Variants in MAP3K14 observed in about 807,000 individuals in gnomAD.
MAP3K14 encodes mitogen-activated protein kinase kinase kinase 14, also known as NF-kappa-beta-inducing kinase.
A neutral mutation model predicts 99.2 loss-of-function variants in MAP3K14; 16 were observed. The observed-to-expected ratio is 0.16, with a 90% CI of 0.11 to 0.24. The LOEUF is 0.24. MAP3K14 is among the 10% of genes least tolerant of loss of function. MAP3K14 has a pLI of 1.00. For missense variants in MAP3K14, 784 were observed against 1,208.7 expected (o/e 0.65, Z 5.21); for synonymous variants, 462 against 492.4 (o/e 0.94, Z 0.82).
At position 45,286,297 on chromosome 17, in the gene MAP3K14, AC is replaced by A; in HGVS notation, c.1152+133del. 1 of 1,124,048 alleles carries A rather than the reference AC, an allele frequency of 8.9e-7. No homozygotes were observed. Among genetic ancestry groups the A allele is most frequent in the Non-Finnish European group, 1.2e-6 (1 of 805,766 alleles). 69.6% of individuals were successfully genotyped at this position (1,124,048 alleles called of 1,614,324 possible). On this transcript the variant is annotated intron_variant, in intron 5 of 15. Transcript: ENST00000344686. This position sits in a 1 kb window ranked among gnomAD's most constrained non-coding sequence, Gnocchi z 4.1. ...TGAGATTGGCGGAATAAGAGATGAT[AC>A]TTTTCATCCACAATGAGCACTGTCC...
intron 2 of MAP3K14, 67 bp downstream of exon 2, chr17:45,290,423 T>C: frequency 6.3e-7 from 1 of 1,591,238 alleles, no homozygotes; most frequent in Non-Finnish European, 8.6e-7. Context: ...AGGGAACCCC[T>C]GGGCCCAGCT....
In MAP3K14 at chr17:45,287,276, G is replaced by C. The variant is rs375425305; in HGVS notation, c.415C>G (p.Arg139Gly). The C allele has an allele frequency of 6.2e-7, 1 of 1,613,998 alleles. No individual in the cohort carries two copies. Among genetic ancestry groups the C allele is most frequent in the Non-Finnish European group, 8.5e-7 (1 of 1,179,892 alleles). The change falls in exon 4 of 16, where the codon CGC becomes GGC. Residue 139 changes from arginine (R) to glycine (G), a missense_variant. By Grantham distance (125) the Arg-to-Gly change is moderately radical. Around this residue, in one of 5 missense-constraint regions of MAP3K14, gnomAD observed 188 missense variants for 313.0 expected, o/e 0.60. Coordinates refer to ENST00000344686, the MANE Select transcript of MAP3K14 (RefSeq NM_003954.5). ...TTCCGTTTCTTCCGGGCTTTGCTGC[G>C]ACGCTTTCCCTTCCAACACACACGG... ...MARVCWKGKR[R>G]SKARKKRKKK...
chr17:45,266,795 TAAGGGTTGCCTCCATGGGGGACG>T (rs1425535430), intron 13 of MAP3K14, 114 bp from the exon 14 acceptor site: 2 of 1,216,350 alleles, frequency 1.6e-6, no homozygotes, highest in Non-Finnish European at 2.3e-6. Context: ...TGGAGGAGGG[TAAGGGTTGCCTCCATGGGGGACG>T]AAGGCCTGCC....
intron 3 of MAP3K14, among the ~76,000 whole-genome samples, chr17:45,288,778 T>C (rs1176477734): frequency 6.6e-6 from 1 of 152,124 alleles, no homozygotes; most frequent in Admixed American, 6.5e-5. Flanking sequence ...CAAGTCTATC[T>C]GTCCCCTCCT....
intron 1 of MAP3K14, among the ~76,000 whole-genome samples, chr17:45,293,192 A>G (rs1055831093): frequency 6.6e-6 from 1 of 152,198 alleles, no homozygotes; most frequent in Non-Finnish European, 1.5e-5. Context: ...GGAGGAAGAG[A>G]GAGTCCTGCC....
At chr17:45,275,103 C>A (rs547655850) in intron 6 of MAP3K14, among the ~76,000 whole-genome samples, 22 of 150,408 alleles carry the variant, frequency 1.5e-4, no homozygotes, top group Admixed American at 8.6e-4. Flanking sequence ...TGCGCCAGTG[C>A]ACTCCAGCCT....
chr17:45,270,952 C>T (rs1044508517), intron 10 of MAP3K14, 106 bp downstream of exon 10: 3 of 1,426,230 alleles, frequency 2.1e-6, no homozygotes, highest in Non-Finnish European at 2.9e-6. Context: ...ATGACCAGGC[C>T]TCCCCTTGCT....
intron 11 of MAP3K14, among the ~76,000 whole-genome samples, chr17:45,269,378 G>C (rs552351939): frequency 3.0e-4 from 45 of 152,196 alleles, no homozygotes; most frequent in African/African-American, 1.1e-3. Context: ...TAACCCTTAT[G>C]ATACTAGTAA....
chr17:45,265,585 G>A (rs968776433), intron 14 of MAP3K14, among the ~76,000 whole-genome samples: 1 of 152,154 alleles, frequency 6.6e-6, no homozygotes, highest in Admixed American at 6.5e-5. Flanking sequence ...TTACAGGCAT[G>A]CGCCACTATA....
intron 1 of MAP3K14, among the ~76,000 whole-genome samples, chr17:45,313,574 G>C (rs953676094): frequency 2.0e-5 from 3 of 152,208 alleles, no homozygotes; most frequent in Non-Finnish European, 4.4e-5. Flanking sequence ...GCCACCACAT[G>C]TGACACGGAG....
At chr17:45,295,223 A>G (rs1598260109) in intron 1 of MAP3K14, among the ~76,000 whole-genome samples, 1 of 148,670 alleles carries the variant, frequency 6.7e-6, no homozygotes, top group Admixed American at 6.7e-5. Context: ...AGCCTTAACA[A>G]TTTTTTTTTT....
intron 6 of MAP3K14, among the ~76,000 whole-genome samples, chr17:45,277,691 C>T (rs1007900820): frequency 2.6e-5 from 4 of 152,152 alleles, no homozygotes; most frequent in South Asian, 2.1e-4. Flanking sequence ...CTCAGAAGGG[C>T]GCCAAATGGA....
At chr17:45,274,051 G>A in intron 8 of MAP3K14, 72 bp downstream of exon 8, 1 of 1,556,798 alleles carries the variant, frequency 6.4e-7, no homozygotes, top group Admixed American at 1.8e-5. Flanking sequence ...GCCCAGAACT[G>A]AGAGGAGATC....
intron 1 of MAP3K14, among the ~76,000 whole-genome samples, chr17:45,300,603 T>C (rs969684754): frequency 2.0e-5 from 3 of 152,146 alleles, no homozygotes; most frequent in African/African-American, 7.2e-5. Context: ...AGGCTCAGCC[T>C]CTACCCAGGA....
At chr17:45,303,509 C>T (rs1010094295) in intron 1 of MAP3K14, among the ~76,000 whole-genome samples, 2 of 152,054 alleles carry the variant, frequency 1.3e-5, no homozygotes, top group Non-Finnish European at 2.9e-5. Flanking sequence ...TGTAATGAGC[C>T]GAGATTGCAC....
rs375783480 is a variant in MAP3K14, at chr17:45,267,693, G to A, written c.2039C>T (p.Ala680Val). Residue 680 changes from alanine (A) to valine (V), a missense_variant, in exon 12 of 16, where the codon GCC becomes GTC. Transcript: ENST00000344686. The surrounding 1 kb of genome is among the most constrained non-coding windows in gnomAD (Gnocchi z 5.1). The part of the protein sequence containing the change: ...KEPRHPPPNQ[A>V]NYHQTLHAQP... ...GGCATGGAGGGTCTGGTGGTAATTG[G>A]CTTGATTTGGCGGTGGATGTCTTGG... 1.3e-5 allele frequency: 21 copies of A among 1,613,870 alleles called. No homozygotes were observed. Among genetic ancestry groups the A allele is most frequent in the Middle Eastern group, 3.3e-4 (2 of 6,062 alleles).
chr17:45,305,077 T>A (rs555342365), intron 1 of MAP3K14, among the ~76,000 whole-genome samples: 170 of 152,140 alleles, frequency 1.1e-3, no homozygotes, highest in Middle Eastern at 3.4e-3. Context: ...AGTGTAAGAT[T>A]TTTTTTGGTT....
At chr17:45,276,498 T>C (rs1341979607) in intron 6 of MAP3K14, among the ~76,000 whole-genome samples, 1 of 151,344 alleles carries the variant, frequency 6.6e-6, no homozygotes, top group Non-Finnish European at 1.5e-5. Context: ...GAGAAGCTGA[T>C]ACTTAGACTG....
intron 11 of MAP3K14, among the ~76,000 whole-genome samples, chr17:45,269,500 A>C (rs968701429): frequency 1.3e-5 from 2 of 152,204 alleles, no homozygotes; most frequent in African/African-American, 4.8e-5. Context: ...GGCAGCCCCT[A>C]GGTAGCTTCA....
Sources: gnomAD v4.1 joint callset for allele counts (sites outside exome capture counted in the v4.1 genomes callset) on GRCh38, gnomAD v4.1.1 for gene constraint, gnomAD v4.1.1 regional missense constraint, Gnocchi (gnomAD v3.1) non-coding constraint, MANE v1.5 for transcripts, NCBI Gene and HGNC (gene_info 2026-07-23, HGNC 2026-07-21) for gene names.